ABTB2: variants seen among roughly 807,000 people sequenced by gnomAD.
ABTB2 encodes ankyrin repeat and BTB/POZ domain-containing protein 2.
ABTB2 carries 56 observed loss-of-function variants against 104.1 expected under a neutral mutation model. The ratio of observed to expected loss-of-function variants is 0.54; its 90% CI spans 0.43 to 0.67. The LOEUF is 0.67. Among genes scored for constraint, ABTB2 ranks in the 30% least tolerant of loss-of-function variants. The pLI is 0.00. For missense variants in ABTB2, 1,279 were observed against 1,407.7 expected (o/e 0.91, Z 1.46); for synonymous variants, 606 against 608.2 (o/e 1.00, Z 0.05).
At position 34,214,078 on chromosome 11, in the gene ABTB2, A is replaced by G. The variant is rs1853519099; in HGVS notation, c.884-9388T>C. On this transcript the variant is annotated intron_variant, in intron 1 of 16. Transcript: ENST00000435224. ...TCCTTGACCCGCAGTGGGTGAGCAC[A>G]CTAATTCCTGTAAGCCAATGACAAC... is the stretch of plus-strand genomic sequence containing the variant. Among the ~76,000 whole-genome samples, 3 of 151,728 alleles carry G rather than the reference A, an allele frequency of 2.0e-5. No individual in the cohort carries two copies. The South Asian group carries it at 6.2e-4, about 32-fold the overall frequency.
intron 1 of ABTB2, among the ~76,000 whole-genome samples, chr11:34,250,193 G>T (rs963758444): frequency 2.0e-5 from 3 of 152,160 alleles, no homozygotes; most frequent in Non-Finnish European, 4.4e-5. Context: ...TGGAGGCTGA[G>T]GGTATCTAGG....
At chr11:34,282,761 A>G (rs902911166) in intron 1 of ABTB2, among the ~76,000 whole-genome samples, 9 of 151,772 alleles carry the variant, frequency 5.9e-5, no homozygotes, top group African/African-American at 2.2e-4. Flanking sequence ...CAAACTCCTG[A>G]ACTCAGGTGA....
chr11:34,253,898 T>C lies in ABTB2; in HGVS notation c.884-49208A>G, dbSNP rs1854087138. On this transcript the variant is annotated intron_variant, in intron 1 of 16. Coordinates refer to ENST00000435224, the MANE Select transcript of ABTB2 (RefSeq NM_145804.3). Reference sequence around the variant, plus strand: ...AACTTCCTTGTTTGGCCCTTGAGCTTAAAACTACCATGTCCCCCTCTCCAA... The same window carrying C: ...AACTTCCTTGTTTGGCCCTTGAGCTCAAAACTACCATGTCCCCCTCTCCAA... Among the ~76,000 whole-genome samples the C allele has an allele frequency of 2.0e-5, 3 of 152,140 alleles. No individual in the cohort carries two copies. In the South Asian group the frequency reaches 6.2e-4, roughly 31 times the overall value.
chr11:34,221,499 G>A lies in ABTB2; in HGVS notation c.884-16809C>T, dbSNP rs185666095. ...AAGTGATTCCCCAAGTTTCCAAGGA[G>A]CAGGCTAAAGTGACTGCTCAGAGTA... On this transcript the variant is annotated intron_variant, in intron 1 of 16. Transcript: ENST00000435224. 6.4e-4 allele frequency among the ~76,000 whole-genome samples: 97 copies of A among 152,314 alleles called. 2 individuals are homozygous for A. In the South Asian group the frequency reaches 0.016, roughly 24 times the overall value.
chr11:34,154,564 GCA>G lies in ABTB2; in HGVS notation c.2766+135_2766+136del. Reference sequence around the variant, plus strand: ...GCACTGAGGCTGGGCTCAGTGGTGTGCACAGTTCCTCTTTCTGGGAACTGCTC... The same window carrying G: ...GCACTGAGGCTGGGCTCAGTGGTGTGCAGTTCCTCTTTCTGGGAACTGCTC... On this transcript the variant is annotated intron_variant, in intron 15 of 16. Transcript: ENST00000435224. The surrounding 1 kb of genome is among the most constrained non-coding windows in gnomAD (Gnocchi z 4.9). 1 of 945,596 alleles carries G rather than the reference GCA, an allele frequency of 1.1e-6. No individual in the cohort carries two copies. The allele number at this position is 945,596 out of a possible 1,614,324, so 58.6% of individuals were successfully genotyped here.
intron 1 of ABTB2, among the ~76,000 whole-genome samples, chr11:34,204,949 A>C (rs562160120): frequency 1.4e-3 from 212 of 152,112 alleles, no homozygotes; most frequent in Admixed American, 3.3e-3. Context: ...TACTCAAGAA[A>C]CTGGCCTTCT....
At chr11:34,323,264 A>AT (rs1219453433) in intron 1 of ABTB2, among the ~76,000 whole-genome samples, 1 of 152,154 alleles carries the variant, frequency 6.6e-6, no homozygotes, top group Non-Finnish European at 1.5e-5. Context: ...AAATGTCATG[A>AT]TGTCTGGGAT....
chr11:34,267,097 G>A (rs1251898345), intron 1 of ABTB2, among the ~76,000 whole-genome samples: 1 of 152,206 alleles, frequency 6.6e-6, no homozygotes, highest in Non-Finnish European at 1.5e-5. Context: ...ACTCTGTTCA[G>A]AGAAAGAAAC....
chr11:34,203,834 T>A (rs1853373515), intron 2 of ABTB2, among the ~76,000 whole-genome samples: 1 of 152,224 alleles, frequency 6.6e-6, no homozygotes, highest in Non-Finnish European at 1.5e-5. Flanking sequence ...CTGTGTGCTA[T>A]GACCCCTGCT....
chr11:34,329,879 A>G (rs924391756), intron 1 of ABTB2, among the ~76,000 whole-genome samples: 8 of 152,326 alleles, frequency 5.3e-5, no homozygotes, highest in Non-Finnish European at 2.9e-5. Context: ...GAAATGGTAA[A>G]CAGAAGTGTA....
chr11:34,357,316 G>T lies in ABTB2; in HGVS notation c.268C>A (p.Arg90=). 1 of 1,513,628 alleles carries T rather than the reference G, an allele frequency of 6.6e-7. No individual in the cohort carries two copies. Among genetic ancestry groups the T allele is most frequent in the Non-Finnish European group, 8.9e-7 (1 of 1,125,644 alleles). The allele number at this position is 1,513,628 out of a possible 1,614,324, so 93.8% of individuals were successfully genotyped here. A position where few individuals can be genotyped will look rare whatever the true frequency, so the allele number is the denominator to read the frequency against. The part of the protein sequence containing the change: ...EVADLFSRCP[R]LPELEEFPWT... ...GGGAACTCCTCCAGCTCGGGGAGCCGCGGACAGCGCGAGAAGAGGTCGGCC... is the reference window on the plus strand; with the variant it reads ...GGGAACTCCTCCAGCTCGGGGAGCCTCGGACAGCGCGAGAAGAGGTCGGCC... The change falls in exon 1 of 17, where the codon CGG becomes AGG. Residue 90 remains arginine, a synonymous_variant. Transcript: ENST00000435224.
intron 1 of ABTB2, among the ~76,000 whole-genome samples, chr11:34,220,969 CT>C (rs796101704): frequency 0.011 from 1,642 of 142,934 alleles, 28 homozygotes; most frequent in African/African-American, 0.036. Context: ...GTGTCCTAAT[CT>C]TTTTTTTTTT....
chr11:34,224,887 A>G (rs192522106), intron 1 of ABTB2, among the ~76,000 whole-genome samples: 92 of 152,336 alleles, frequency 6.0e-4, no homozygotes, highest in Non-Finnish European at 1.0e-3. Context: ...CTTTTGGCTA[A>G]GGAAGGGCAA....
intron 1 of ABTB2, among the ~76,000 whole-genome samples, chr11:34,295,605 T>C (rs545045872): frequency 2.5e-4 from 38 of 152,302 alleles, no homozygotes; most frequent in African/African-American, 8.7e-4. Flanking sequence ...CTCTCTTATG[T>C]GACTGTGACC....
At chr11:34,198,086 C>T (rs1050565517) in intron 2 of ABTB2, among the ~76,000 whole-genome samples, 3 of 152,150 alleles carry the variant, frequency 2.0e-5, no homozygotes, top group African/African-American at 7.2e-5. Context: ...TTAATTTGAT[C>T]CTTACAGTGC....
chr11:34,161,753 G>A (rs1852723829), intron 10 of ABTB2, among the ~76,000 whole-genome samples: 1 of 152,170 alleles, frequency 6.6e-6, no homozygotes, highest in Non-Finnish European at 1.5e-5. Context: ...CTGGTAATTA[G>A]AGAGACAGCT....
At chr11:34,313,751 C>T (rs183592662) in intron 1 of ABTB2, among the ~76,000 whole-genome samples, 17 of 152,332 alleles carry the variant, frequency 1.1e-4, no homozygotes, top group East Asian at 1.9e-4. Flanking sequence ...TGCAACTCTA[C>T]GGAGAAACAA....
chr11:34,158,022 C>T (rs1200796564), intron 14 of ABTB2, among the ~76,000 whole-genome samples: 2 of 152,238 alleles, frequency 1.3e-5, no homozygotes, highest in African/African-American at 4.8e-5. Flanking sequence ...ATACCTACCT[C>T]CCTGGAACTG....
chr11:34,235,814 G>A (rs1269398409), intron 1 of ABTB2, among the ~76,000 whole-genome samples: 1 of 152,194 alleles, frequency 6.6e-6, no homozygotes, highest in African/African-American at 2.4e-5. Context: ...CAGGAGGTCA[G>A]CGCTAGCTAA....
Sources: gnomAD v4.1 joint callset for allele counts (sites outside exome capture counted in the v4.1 genomes callset) on GRCh38, gnomAD v4.1.1 for gene constraint, Gnocchi (gnomAD v3.1) non-coding constraint, MANE v1.5 for transcripts, NCBI Gene and HGNC (gene_info 2026-07-23, HGNC 2026-07-21) for gene names.